Variants in CERKL observed in about 807,000 individuals in gnomAD.
The protein encoded by CERKL is ceramide kinase-like protein.
In CERKL, 61 loss-of-function variants were observed where a neutral mutation model predicts 63.4. The ratio of observed to expected loss-of-function variants is 0.96; its 90% confidence interval spans 0.78 to 1.19. The LOEUF is 1.19. CERKL is among the 50% of genes most tolerant of loss of function. The pLI is 0.00. For synonymous variants in CERKL, 250 were observed against 230.5 expected (o/e 1.08, Z -0.77); for missense variants, 675 against 655.5 (o/e 1.03, Z -0.33).
intron 4 of CERKL, among the ~76,000 whole-genome samples, chr2:181,559,500 A>G (rs901598165): frequency 1.3e-5 from 2 of 152,162 alleles, no homozygotes; most frequent in African/African-American, 4.8e-5. Context: ...CTCAAGGGCT[A>G]CAAGGGCCCA....
rs572040498 is a variant in CERKL at position 181,565,919 on chromosome 2, A to G, written c.677+139T>C. ...TCATATTATCATTAATTATTATTAC[A>G]TAGATATGAACAAGATAGAGCCAAA... On this transcript the variant is annotated intron_variant, in intron 4 of 12. Transcript: ENST00000410087. 2.0e-5 allele frequency: 13 copies of G among 634,578 alleles called. No homozygotes were observed. The East Asian group carries it at 3.4e-4, about 16-fold the overall frequency. 39.3% of individuals were successfully genotyped at this position (634,578 alleles called of 1,614,324 possible). A position where few individuals can be genotyped will look rare whatever the true frequency, so the allele number is the denominator to read the frequency against.
intron 1 of CERKL, among the ~76,000 whole-genome samples, chr2:181,604,288 G>A (rs1339975574): frequency 2.6e-5 from 4 of 152,036 alleles, no homozygotes; most frequent in African/African-American, 7.2e-5. Flanking sequence ...AAACCTGCAC[G>A]TGTACCCCAG....
In CERKL at chr2:181,549,620, G is replaced by T. The variant is rs1337447327; in HGVS notation, c.895+14C>A. 3.8e-6 allele frequency: 6 copies of T among 1,574,700 alleles called. No individual in the cohort carries two copies. The highest frequency in any genetic ancestry group is 5.2e-6 in the Non-Finnish European group (6 of 1,144,554). On this transcript the variant is annotated intron_variant, in intron 6 of 12. Transcript: ENST00000410087. Reference sequence around the variant, plus strand: ...TTCCTTATAAAATATGAACTGCTTTGGAAGAATTCTTACCCATTATAATGT... The same window carrying T: ...TTCCTTATAAAATATGAACTGCTTTTGAAGAATTCTTACCCATTATAATGT...
chr2:181,585,340 A>T (rs1684715231), intron 2 of CERKL, among the ~76,000 whole-genome samples: 1 of 152,132 alleles, frequency 6.6e-6, no homozygotes, highest in Non-Finnish European at 1.5e-5. Context: ...ACCCCAAATT[A>T]AAAAATAAGT....
At chr2:181,619,874 T>C (rs1686372710) in intron 1 of CERKL, among the ~76,000 whole-genome samples, 1 of 152,212 alleles carries the variant, frequency 6.6e-6, no homozygotes. Flanking sequence ...TAATAACTTG[T>C]TATAAAATAC....
intron 1 of CERKL, among the ~76,000 whole-genome samples, chr2:181,636,607 T>C (rs925894018): frequency 6.6e-6 from 1 of 152,226 alleles, no homozygotes; most frequent in African/African-American, 2.4e-5. Flanking sequence ...CAAAGCACTG[T>C]CATCTCCCCC....
At chr2:181,628,245 A>G (rs1686797672) in intron 1 of CERKL, among the ~76,000 whole-genome samples, 1 of 152,192 alleles carries the variant, frequency 6.6e-6, no homozygotes, top group African/African-American at 2.4e-5. Flanking sequence ...CTTATTTAAG[A>G]AATGGTTTGC....
At chr2:181,600,727 T>C (rs540838978) in intron 2 of CERKL, among the ~76,000 whole-genome samples, 49 of 152,130 alleles carry the variant, frequency 3.2e-4, no homozygotes, top group African/African-American at 1.2e-3. Context: ...CTACTAGACC[T>C]ATGGGGAAAA....
At chr2:181,575,329 C>G (rs1334017008) in intron 2 of CERKL, among the ~76,000 whole-genome samples, 1 of 152,212 alleles carries the variant, frequency 6.6e-6, no homozygotes, top group South Asian at 2.1e-4. Flanking sequence ...TCACTCTCCT[C>G]GCCTTCCTCT....
intron 3 of CERKL, among the ~76,000 whole-genome samples, chr2:181,567,755 A>C (rs1325642976): frequency 6.6e-6 from 1 of 152,186 alleles, no homozygotes; most frequent in East Asian, 1.9e-4. Flanking sequence ...ATGAAGTAAT[A>C]GGTGGTTATA....
In CERKL at chr2:181,656,892, T is replaced by C. The variant is rs768758144; in HGVS notation, c.115A>G (p.Thr39Ala). Residue 39 changes from threonine (T) to alanine (A), a missense_variant, in exon 1 of 13, where the codon ACG becomes GCG. Physicochemically the swap from Thr to Ala is moderately conservative, Grantham distance 58. Coordinates refer to ENST00000410087, the MANE Select transcript of CERKL (RefSeq NM_201548.5). The stretch of plus-strand genomic sequence containing the variant: ...AGAATCCGCTCGGCCGCCGCCTCCG[T>C]CTGCTGCGGGGACGTTAACAGCGCC... ...PPALLTSPQQ[T>A]EAAAERILLR... The C allele has an allele frequency of 1.2e-6, 2 of 1,605,302 alleles. No individual in the cohort carries two copies. Among genetic ancestry groups the C allele is most frequent in the Non-Finnish European group, 1.7e-6 (2 of 1,175,140 alleles).
chr2:181,615,379 A>T (rs547659998), intron 1 of CERKL, among the ~76,000 whole-genome samples: 2 of 152,384 alleles, frequency 1.3e-5, no homozygotes, highest in South Asian at 4.1e-4. Flanking sequence ...CACTTTTAAA[A>T]ATATTACTGT....
chr2:181,641,542 T>G, intron 1 of CERKL, among the ~76,000 whole-genome samples: 1 of 151,954 alleles, frequency 6.6e-6, no homozygotes, highest in East Asian at 1.9e-4. Flanking sequence ...CTCAGTTGCT[T>G]TATCTTTAAA....
Position 181,537,326 on chromosome 2 carries a change from A to ACTATGGTTGT in CERKL, c.*848_*857dup, listed in dbSNP as rs1456639535. The ACTATGGTTGT allele has an allele frequency of 1.1e-5, 5 of 453,810 alleles. No individual in the cohort carries two copies. The highest frequency in any genetic ancestry group is 2.2e-5 in the Non-Finnish European group (5 of 226,698). 28.1% of individuals were successfully genotyped at this position (453,810 alleles called of 1,614,324 possible). A position where few individuals can be genotyped will look rare whatever the true frequency, so the allele number is the denominator to read the frequency against. On this transcript the variant is annotated 3_prime_UTR_variant, in exon 13 of 13. Coordinates refer to ENST00000410087, the MANE Select transcript of CERKL (RefSeq NM_201548.5). The stretch of plus-strand genomic sequence containing the variant: ...TATCTGAGCACAGTGAAAGCAGAGT[A>ACTATGGTTGT]CTATGGTTGTCCAACACAGGCCTCT...
intron 11 of CERKL, among the ~76,000 whole-genome samples, chr2:181,540,826 C>A (rs71427805): frequency 0.011 from 1,669 of 152,162 alleles, 17 homozygotes; most frequent in Non-Finnish European, 0.018. Context: ...CAGGGGAGTG[C>A]CATGATGGTG....
intron 3 of CERKL, 106 bp downstream of exon 3, chr2:181,573,647 T>C (rs772998791): frequency 6.9e-5 from 65 of 944,344 alleles, no homozygotes; most frequent in Non-Finnish European, 9.3e-5. Context: ...AAAAATGCTA[T>C]AGATATTACA....
intron 1 of CERKL, among the ~76,000 whole-genome samples, chr2:181,650,984 G>T (rs1219710783): frequency 6.6e-6 from 1 of 152,104 alleles, no homozygotes; most frequent in Non-Finnish European, 1.5e-5. Context: ...ATTAAGTTAG[G>T]AAGACATAAA....
chr2:181,628,324 T>C (rs10497581), intron 1 of CERKL, among the ~76,000 whole-genome samples: 18,610 of 152,206 alleles, frequency 0.12, 1,414 homozygotes, highest in East Asian at 0.22. Context: ...TGTCGTACTT[T>C]ACCTATTGGG....
intron 1 of CERKL, among the ~76,000 whole-genome samples, chr2:181,629,665 C>T (rs910653777): frequency 4.6e-5 from 7 of 150,980 alleles, no homozygotes; most frequent in East Asian, 1.9e-4. Context: ...TGAATTCATA[C>T]TTTCAGAAAA....
Sources: allele counts gnomAD v4.1 joint callset (sites outside exome capture counted in the v4.1 genomes callset), GRCh38; gene constraint gnomAD v4.1.1; transcripts MANE v1.5; gene names NCBI Gene and HGNC (gene_info 2026-07-23, HGNC 2026-07-21).